BLTP1: variants seen among roughly 807,000 people sequenced by gnomAD.
BLTP1 encodes the protein bridge-like lipid transfer protein family member 1, also known as fragile site-associated protein.
At chr4:122,361,263 A>C in the BLTP1 span, among the ~76,000 whole-genome samples, 1 of 152,174 alleles carries the variant, frequency 6.6e-6, no homozygotes, top group Admixed American at 6.5e-5. Context: ...TACGGCAACA[A>C]TAGCTTTCTA....
the BLTP1 span, among the ~76,000 whole-genome samples, chr4:122,168,595 A>G: frequency 6.6e-6 from 1 of 152,112 alleles, no homozygotes; most frequent in Non-Finnish European, 1.5e-5. Context: ...TAAAAAAAAA[A>G]CTTAAGAGGG....
the BLTP1 span, among the ~76,000 whole-genome samples, chr4:122,293,894 C>A: frequency 6.6e-6 from 1 of 152,048 alleles, no homozygotes. Flanking sequence ...CCAGGGAGTC[C>A]GGGCAGTCCA....
the BLTP1 span, chr4:122,169,991 G>C: frequency 2.0e-6 from 2 of 985,266 alleles, no homozygotes; most frequent in Non-Finnish European, 2.4e-6. Context: ...TAGTATTTCT[G>C]ATTGTTGAGA....
the BLTP1 span, among the ~76,000 whole-genome samples, chr4:122,351,033 G>A: frequency 1.3e-5 from 2 of 152,086 alleles, no homozygotes; most frequent in Non-Finnish European, 2.9e-5. Context: ...ACAGACTATA[G>A]GCAGTTAAGA....
At chr4:122,314,064 A>G in the BLTP1 span, 2 of 970,674 alleles carry the variant, frequency 2.1e-6, no homozygotes, top group South Asian at 4.8e-5. Context: ...GTATAAAAAG[A>G]AGAGAATATT....
the BLTP1 span, chr4:122,273,336 A>AT: frequency 1.0e-6 from 1 of 984,666 alleles, no homozygotes; most frequent in South Asian, 4.7e-5. Flanking sequence ...TGTACTTGGG[A>AT]TTGACATGGT....
chr4:122,343,657 C>T, the BLTP1 span: 1 of 1,572,098 alleles, frequency 6.4e-7, no homozygotes, highest in Admixed American at 1.7e-5. Context: ...AGCATCTTTT[C>T]AAGCTTTCAA....
the BLTP1 span, chr4:122,170,008 T>C: frequency 1.0e-6 from 1 of 985,190 alleles, no homozygotes; most frequent in Non-Finnish European, 1.2e-6. Context: ...GAGATGTTTT[T>C]GATTAAAGAA....
the BLTP1 span, chr4:122,300,840 C>A: frequency 1.2e-6 from 1 of 818,264 alleles, no homozygotes; most frequent in Non-Finnish European, 1.5e-6. Context: ...GTTTTCAAAT[C>A]AATGGAAAGA....
the BLTP1 span, chr4:122,279,627 T>G: frequency 2.3e-6 from 2 of 853,812 alleles, no homozygotes; most frequent in Middle Eastern, 3.6e-4. Flanking sequence ...TTCTGAAATC[T>G]ACACTTTTTT....
chr4:122,315,166 A>T, the BLTP1 span, among the ~76,000 whole-genome samples: 3 of 152,134 alleles, frequency 2.0e-5, no homozygotes, highest in East Asian at 5.8e-4. Context: ...AACCTAATTA[A>T]TTCTGTCTAA....
At chr4:122,302,896 G>A in the BLTP1 span, among the ~76,000 whole-genome samples, 6 of 152,292 alleles carry the variant, frequency 3.9e-5, no homozygotes, top group East Asian at 1.2e-3. Context: ...TGAGGAAGCT[G>A]CAAAAGAAAA....
At chr4:122,337,275 C>A in the BLTP1 span, 2 of 425,456 alleles carry the variant, frequency 4.7e-6, no homozygotes, top group Non-Finnish European at 8.2e-6. Flanking sequence ...GTCAGTAATG[C>A]ATTTAATACA....
At chr4:122,328,973 A>G in the BLTP1 span, among the ~76,000 whole-genome samples, 2 of 151,712 alleles carry the variant, frequency 1.3e-5, no homozygotes, top group African/African-American at 4.8e-5. Flanking sequence ...GCTTAGCACA[A>G]GAGTGTAACC....
the BLTP1 span, chr4:122,230,209 G>C: frequency 6.2e-7 from 1 of 1,611,486 alleles, no homozygotes; most frequent in South Asian, 1.1e-5. Flanking sequence ...CCAGAACTAA[G>C]AGGTAGGTGA....
At chr4:122,161,605 A>AT in the BLTP1 span, among the ~76,000 whole-genome samples, 2 of 151,090 alleles carry the variant, frequency 1.3e-5, no homozygotes, top group Non-Finnish European at 3.0e-5. Context: ...TAATTTTTGT[A>AT]TTTTTTTGTA....
chr4:122,355,889 C>G, the BLTP1 span: 8 of 1,612,562 alleles, frequency 5.0e-6, no homozygotes, highest in South Asian at 8.8e-5. Context: ...AGAGGAGGTT[C>G]TAGCTACAAC....
At chr4:122,204,327 T>C in the BLTP1 span, 1 of 977,242 alleles carries the variant, frequency 1.0e-6, no homozygotes, top group Non-Finnish European at 1.2e-6. Context: ...TCTGAAATGG[T>C]GTTTTTAAAT....
the BLTP1 span, chr4:122,307,977 C>T: frequency 0.32 from 514,343 of 1,612,496 alleles, 86,632 homozygotes; most frequent in South Asian, 0.47. Context: ...ATTATAAGGC[C>T]GCCTATGACA....
Sources: allele counts gnomAD v4.1 joint callset (sites outside exome capture counted in the v4.1 genomes callset), GRCh38; gene constraint gnomAD v4.1.1; transcripts MANE v1.5; gene names NCBI Gene and HGNC (gene_info 2026-07-23, HGNC 2026-07-21).